Variants in HMCN1 observed in about 807,000 individuals in gnomAD.
HMCN1 encodes hemicentin-1.
HMCN1 carries 321 observed loss-of-function variants against 625.9 expected under a neutral mutation model. The ratio of observed to expected loss-of-function variants is 0.51; its 90% CI spans 0.47 to 0.56. HMCN1 has a LOEUF of 0.56. Among genes scored for constraint, HMCN1 ranks in the 20% least tolerant of loss-of-function variants. HMCN1 has a pLI of 0.00. For synonymous variants in HMCN1, 2,425 were observed against 2,417.6 expected (o/e 1.00, Z -0.09); for missense variants, 6,588 against 6,887.3 (o/e 0.96, Z 1.54).
chr1:186,012,616 A>T (rs796173187), intron 30 of HMCN1, among the ~76,000 whole-genome samples: 36 of 152,234 alleles, frequency 2.4e-4, no homozygotes, highest in African/African-American at 8.4e-4. Context: ...TATTTTCTTT[A>T]GACCCGTTTC....
At chr1:185,894,506 G>A (rs1223326269) in intron 4 of HMCN1, among the ~76,000 whole-genome samples, 2 of 152,100 alleles carry the variant, frequency 1.3e-5, no homozygotes, top group African/African-American at 4.8e-5. Flanking sequence ...TCTTGGATCT[G>A]TATCTAGAAG....
At chr1:186,027,438 A>G (rs781702643) in intron 36 of HMCN1, among the ~76,000 whole-genome samples, 1 of 152,198 alleles carries the variant, frequency 6.6e-6, no homozygotes, top group Non-Finnish European at 1.5e-5. Context: ...TTTCCCAGGA[A>G]AAAAATTAAC....
At chr1:185,938,871 T>C (rs1667947090) in intron 11 of HMCN1, among the ~76,000 whole-genome samples, 2 of 152,274 alleles carry the variant, frequency 1.3e-5, no homozygotes, top group Middle Eastern at 3.4e-3. Flanking sequence ...TTGTTTGCAA[T>C]TGAGAATTCC....
At position 185,995,031 on chromosome 1, in the gene HMCN1, G is replaced by T; in HGVS notation, c.3722G>T (p.Cys1241Phe). 7 of 1,613,756 alleles carry T rather than the reference G, an allele frequency of 4.3e-6. No individual in the cohort carries two copies. The highest frequency in any genetic ancestry group is 5.9e-6 in the Non-Finnish European group (7 of 1,179,770). Residue 1241 changes from cysteine (C) to phenylalanine (F), a missense_variant, in exon 24 of 107, where the codon TGT becomes TTT. Cys to Phe is a radical substitution (Grantham distance 205). Around this residue, in one of 3 missense-constraint regions of HMCN1, gnomAD observed 4,628 missense variants for 4,853.1 expected, o/e 0.95. Coordinates refer to ENST00000271588, the MANE Select transcript of HMCN1 (RefSeq NM_031935.3). Reference sequence around the variant, plus strand: ...CCCTCAGATGCTGGCATATATACATGTGTTGCTACTAACATAGCAGGCACT... The same window carrying T: ...CCCTCAGATGCTGGCATATATACATTTGTTGCTACTAACATAGCAGGCACT... Reference protein sequence around the residue: ...ATPSDAGIYTCVATNIAGTDE... With the variant: ...ATPSDAGIYTFVATNIAGTDE...
chr1:186,103,070 C>G (rs2102443102), intron 68 of HMCN1, among the ~76,000 whole-genome samples: 1 of 152,184 alleles, frequency 6.6e-6, no homozygotes, highest in East Asian at 1.9e-4. Context: ...AGTATTCACG[C>G]ATTGTTTTTG....
chr1:185,945,435 C>G (rs1668290750), intron 11 of HMCN1, among the ~76,000 whole-genome samples: 1 of 152,114 alleles, frequency 6.6e-6, no homozygotes, highest in South Asian at 2.1e-4. Context: ...AAAAAATTGT[C>G]AGGCTTTGTG....
At chr1:186,048,651 A>C in intron 41 of HMCN1, 92 bp from the exon 42 acceptor site, 1 of 799,504 alleles carries the variant, frequency 1.3e-6, no homozygotes, top group Non-Finnish European at 2.1e-6. Flanking sequence ...GAATCTTCAG[A>C]ATAAAAATAA....
At chr1:186,025,964 A>G (rs1655034702) in intron 36 of HMCN1, among the ~76,000 whole-genome samples, 1 of 152,222 alleles carries the variant, frequency 6.6e-6, no homozygotes, top group Admixed American at 6.5e-5. Flanking sequence ...CCCTGAAGGG[A>G]GAATAAATGA....
At chr1:185,772,396 ATTCATGGAGTGC>A (rs1399982416) in intron 1 of HMCN1, among the ~76,000 whole-genome samples, 2 of 152,144 alleles carry the variant, frequency 1.3e-5, no homozygotes, top group Non-Finnish European at 2.9e-5. Context: ...AAGAGAACAA[ATTCATGGAGTGC>A]TTCATAGTAG....
chr1:186,154,672 C>A (rs757292558), intron 97 of HMCN1, among the ~76,000 whole-genome samples: 1 of 152,186 alleles, frequency 6.6e-6, no homozygotes, highest in Non-Finnish European at 1.5e-5. Flanking sequence ...TTAACCTAAA[C>A]TAGTCAAAAA....
In HMCN1 at chr1:186,189,616, A is replaced by G. The variant is rs1371979735; in HGVS notation, c.16646A>G (p.Gln5549Arg). ...CTCCCATTTGGAATAGCCACCAATC[A>G]AGATTTAATCCGGCTGGTTGCATAC... ...VSLPFGIATN[Q>R]DLIRLVAYTQ... is the part of the protein sequence containing the mutation. Residue 5549 changes from glutamine (Q) to arginine (R), a missense_variant, in exon 107 of 107, where the codon CAA becomes CGA. Physicochemically the swap from Gln to Arg is conservative, Grantham distance 43. This residue lies in a region of HMCN1 where 1,954 missense variants were observed against 2,013.1 expected (regional missense o/e 0.97). Transcript: ENST00000271588. The G allele has an allele frequency of 1.9e-6, 3 of 1,613,460 alleles. No individual in the cohort carries two copies. Among genetic ancestry groups the G allele is most frequent in the South Asian group, 1.1e-5 (1 of 90,994 alleles).
intron 4 of HMCN1, among the ~76,000 whole-genome samples, chr1:185,868,276 G>A (rs1235465352): frequency 6.6e-6 from 1 of 152,058 alleles, no homozygotes; most frequent in African/African-American, 2.4e-5. Context: ...GAGAAACTAA[G>A]CCCTATAGAG....
At chr1:185,895,459 C>T (rs1402040670) in intron 4 of HMCN1, among the ~76,000 whole-genome samples, 1 of 152,182 alleles carries the variant, frequency 6.6e-6, no homozygotes, top group African/African-American at 2.4e-5. Context: ...AATCATAAAG[C>T]TGTATTTCTT....
At chr1:185,748,223 G>A (rs1252065667) in intron 1 of HMCN1, among the ~76,000 whole-genome samples, 2 of 151,930 alleles carry the variant, frequency 1.3e-5, no homozygotes, top group Non-Finnish European at 2.9e-5. Context: ...TTTTACTAGA[G>A]CACACAGAAA....
At chr1:185,919,074 C>G (rs1322077444) in intron 6 of HMCN1, among the ~76,000 whole-genome samples, 1 of 146,072 alleles carries the variant, frequency 6.8e-6, no homozygotes, top group Non-Finnish European at 1.5e-5. Flanking sequence ...AATTTTAGGA[C>G]ATATATATAT....
At chr1:186,112,791 T>G in intron 71 of HMCN1, 21 bp from the exon 72 acceptor site, 1 of 1,613,924 alleles carries the variant, frequency 6.2e-7, no homozygotes, top group Non-Finnish European at 8.5e-7. Flanking sequence ...AACGGCAAAT[T>G]TCTTTACTTG....
At chr1:185,923,269 T>A (rs1667088845) in intron 7 of HMCN1, 121 bp from the exon 8 acceptor site, 3 of 783,212 alleles carry the variant, frequency 3.8e-6, no homozygotes, top group Non-Finnish European at 6.4e-6. Flanking sequence ...ATTCTGCAAC[T>A]GATCCAGAAA....
At chr1:186,007,359 C>G in intron 30 of HMCN1, 77 bp downstream of exon 30, 2 of 1,295,892 alleles carry the variant, frequency 1.5e-6, no homozygotes, top group Non-Finnish European at 2.2e-6. Context: ...GGTAACTACA[C>G]TCTTATTTCA....
intron 1 of HMCN1, among the ~76,000 whole-genome samples, chr1:185,815,174 C>T (rs972229129): frequency 2.7e-5 from 4 of 150,168 alleles, no homozygotes; most frequent in African/African-American, 1.0e-4. Flanking sequence ...ATACTAATTA[C>T]ATAATTTTGA....
Sources: gnomAD v4.1 joint callset for allele counts (sites outside exome capture counted in the v4.1 genomes callset) on GRCh38, gnomAD v4.1.1 for gene constraint, gnomAD v4.1.1 regional missense constraint, MANE v1.5 for transcripts, NCBI Gene and HGNC (gene_info 2026-07-23, HGNC 2026-07-21) for gene names.